Variants in NEGR1 observed in about 807,000 individuals in gnomAD.
NEGR1 encodes neuronal growth regulator 1.
NEGR1 carries 10 observed loss-of-function variants against 40.9 expected under a neutral mutation model. The ratio of observed to expected loss-of-function variants is 0.24; its 90% CI spans 0.15 to 0.42. NEGR1 has a LOEUF of 0.42. NEGR1 is among the 10% of genes least tolerant of loss of function. NEGR1 has a pLI of 1.00. For synonymous variants in NEGR1, 185 were observed against 166.8 expected (o/e 1.11, Z -0.84); for missense variants, 352 against 438.9 (o/e 0.80, Z 1.77).
chr1:71,888,435 C>T lies in NEGR1; in HGVS notation c.409+46644G>A, dbSNP rs531016666. ...GCAAGGGGTCAGGGAGTTCCCTTTC[C>T]GAGTCAAAGAAAGGGGTGACGGACG... On this transcript the variant is annotated intron_variant, in intron 2 of 6. Coordinates refer to ENST00000357731, the MANE Select transcript of NEGR1 (RefSeq NM_173808.3). Among the ~76,000 whole-genome samples the T allele has an allele frequency of 3.3e-5, 5 of 152,024 alleles. No individual in the cohort carries two copies. In the East Asian group the frequency reaches 5.9e-4, roughly 18 times the overall value.
At chr1:72,089,402 AT>A (rs1385488597) in intron 1 of NEGR1, among the ~76,000 whole-genome samples, 2 of 152,164 alleles carry the variant, frequency 1.3e-5, no homozygotes, top group South Asian at 2.1e-4. Flanking sequence ...ACATATAATA[AT>A]TTTTAGCTAA....
At chr1:71,531,715 A>G (rs1305399268) in intron 6 of NEGR1, among the ~76,000 whole-genome samples, 1 of 151,394 alleles carries the variant, frequency 6.6e-6, no homozygotes, top group Non-Finnish European at 1.5e-5. Flanking sequence ...AAATGATTTT[A>G]AATAGACCAC....
chr1:71,992,537 C>T (rs1646463332), intron 1 of NEGR1, among the ~76,000 whole-genome samples: 1 of 152,252 alleles, frequency 6.6e-6, no homozygotes, highest in Non-Finnish European at 1.5e-5. Context: ...TTATCTATCT[C>T]AATATATCCA....
Position 72,120,658 on chromosome 1 carries a change from C to T in NEGR1, c.176+161661G>A, listed in dbSNP as rs1401737043. Among the ~76,000 whole-genome samples, 4 of 152,004 alleles carry T rather than the reference C, an allele frequency of 2.6e-5. No homozygotes were observed. The South Asian group carries it at 6.2e-4, about 24-fold the overall frequency. On this transcript the variant is annotated intron_variant, in intron 1 of 6. Transcript: ENST00000357731. ...TGTATCTCCCAATGCTATCCCTCCCCACTACCTCCACCCCACAACAGTCCC... is the reference window on the plus strand; with the variant it reads ...TGTATCTCCCAATGCTATCCCTCCCTACTACCTCCACCCCACAACAGTCCC...
At chr1:71,713,929 G>T (rs1254458870) in intron 3 of NEGR1, among the ~76,000 whole-genome samples, 1 of 152,128 alleles carries the variant, frequency 6.6e-6, no homozygotes, top group African/African-American at 2.4e-5. Flanking sequence ...GGGTTTATGT[G>T]ATCTGGGGCA....
At chr1:71,535,495 G>T (rs934485072) in intron 6 of NEGR1, among the ~76,000 whole-genome samples, 1 of 151,732 alleles carries the variant, frequency 6.6e-6, no homozygotes, top group African/African-American at 2.4e-5. Context: ...AAAAAATTAT[G>T]TTGCGTGCAG....
chr1:71,955,336 A>G (rs1261646926), intron 1 of NEGR1, among the ~76,000 whole-genome samples: 6 of 152,138 alleles, frequency 3.9e-5, no homozygotes, highest in African/African-American at 7.2e-5. Context: ...TAATGCAGAG[A>G]GGAATTCTAT....
At chr1:71,838,853 T>C (rs1659133480) in intron 2 of NEGR1, among the ~76,000 whole-genome samples, 3 of 152,040 alleles carry the variant, frequency 2.0e-5, no homozygotes, top group Non-Finnish European at 4.4e-5. Flanking sequence ...AAAAAACAGA[T>C]CCAATAAAAG....
chr1:71,849,047 C>T (rs1659516345), intron 2 of NEGR1, among the ~76,000 whole-genome samples: 1 of 151,798 alleles, frequency 6.6e-6, no homozygotes, highest in African/African-American at 2.4e-5. Flanking sequence ...CGAGATTGTG[C>T]CACGGCACTC....
intron 6 of NEGR1, among the ~76,000 whole-genome samples, chr1:71,470,720 T>C (rs1646777025): frequency 6.6e-6 from 1 of 152,156 alleles, no homozygotes; most frequent in Non-Finnish European, 1.5e-5. Context: ...ACACAGGCAG[T>C]GTTCAAACAA....
chr1:71,522,192 AT>A (rs1647162887), intron 6 of NEGR1, among the ~76,000 whole-genome samples: 2 of 152,122 alleles, frequency 1.3e-5, no homozygotes, highest in Middle Eastern at 3.4e-3. Flanking sequence ...CCACCATTGT[AT>A]TTTAGGGTTA....
intron 2 of NEGR1, among the ~76,000 whole-genome samples, 165 bp downstream of exon 2, chr1:71,934,914 C>T (rs1645889647): frequency 2.0e-5 from 3 of 152,044 alleles, no homozygotes; most frequent in Admixed American, 2.0e-4. Context: ...TTTCTGATGT[C>T]TAGGAATGTA....
intron 1 of NEGR1, among the ~76,000 whole-genome samples, chr1:72,264,856 T>C (rs929039176): frequency 6.6e-6 from 1 of 150,614 alleles, no homozygotes; most frequent in Non-Finnish European, 1.5e-5. Context: ...TAAAGAGAAA[T>C]CTAAAATAAT....
intron 2 of NEGR1, among the ~76,000 whole-genome samples, chr1:71,822,945 A>C (rs181219822): frequency 6.6e-6 from 1 of 152,060 alleles, no homozygotes; most frequent in Non-Finnish European, 1.5e-5. Flanking sequence ...GCCAGATTGC[A>C]GGCAATAGTC....
chr1:72,057,933 C>T (rs1054461569), intron 1 of NEGR1, among the ~76,000 whole-genome samples: 4 of 151,462 alleles, frequency 2.6e-5, no homozygotes, highest in South Asian at 2.1e-4. Context: ...AAGCCCTATC[C>T]GCAAACATAG....
chr1:71,764,573 G>A (rs1442126935), intron 3 of NEGR1, among the ~76,000 whole-genome samples: 3 of 152,174 alleles, frequency 2.0e-5, no homozygotes, highest in African/African-American at 7.2e-5. Flanking sequence ...CATCAACAAG[G>A]CATTTGGCCC....
At chr1:71,714,369 C>T (rs886825738) in intron 3 of NEGR1, among the ~76,000 whole-genome samples, 1 of 152,142 alleles carries the variant, frequency 6.6e-6, no homozygotes, top group Non-Finnish European at 1.5e-5. Context: ...CCTTTGGCCC[C>T]TCCCAAATCT....
At chr1:71,904,919 T>C (rs1341479010) in intron 2 of NEGR1, among the ~76,000 whole-genome samples, 1 of 152,146 alleles carries the variant, frequency 6.6e-6, no homozygotes, top group Admixed American at 6.6e-5. Context: ...AGTCCCTTGC[T>C]ACATACAAAG....
intron 1 of NEGR1, among the ~76,000 whole-genome samples, chr1:72,094,533 T>TA (rs903494983): frequency 3.5e-4 from 53 of 152,166 alleles, no homozygotes; most frequent in African/African-American, 1.2e-3. Context: ...TTCCATAACT[T>TA]ACCACCAACA....
Sources: allele counts gnomAD v4.1 joint callset (sites outside exome capture counted in the v4.1 genomes callset), GRCh38; gene constraint gnomAD v4.1.1; transcripts MANE v1.5; gene names NCBI Gene and HGNC (gene_info 2026-07-23, HGNC 2026-07-21).